INPP5B: variants seen among roughly 807,000 people sequenced by gnomAD.
The protein encoded by INPP5B is inositol polyphosphate-5-phosphatase B, also known as type II inositol 1,4,5-trisphosphate 5-phosphatase.
In INPP5B, 90 loss-of-function variants were observed where a neutral mutation model predicts 118.5. The observed-to-expected ratio is 0.76, with a 90% confidence interval of 0.64 to 0.90. The LOEUF is 0.90. INPP5B is among the 40% of genes least tolerant of loss of function. The pLI is 0.00. For synonymous variants in INPP5B, 385 were observed against 418.9 expected (o/e 0.92, Z 0.99); for missense variants, 984 against 1,125.6 (o/e 0.87, Z 1.80).
At chr1:37,900,073 ATTTTT>A (rs34018622) in intron 7 of INPP5B, among the ~76,000 whole-genome samples, 1 of 114,648 alleles carries the variant, frequency 8.7e-6, no homozygotes, top group Non-Finnish European at 1.8e-5. Context: ...TTTACCTTGA[ATTTTT>A]TTTTTTTTTT....
chr1:37,863,709 G>A (rs1200835635), intron 23 of INPP5B, among the ~76,000 whole-genome samples: 3 of 150,632 alleles, frequency 2.0e-5, no homozygotes, highest in Non-Finnish European at 4.4e-5. Flanking sequence ...ACACACACAT[G>A]CACACACAAA....
intron 14 of INPP5B, 122 bp downstream of exon 14, chr1:37,882,685 C>G: frequency 1.5e-6 from 1 of 670,246 alleles, no homozygotes; most frequent in Admixed American, 2.6e-5. Context: ...TGGACAACAT[C>G]AGGAACTCAG....
intron 7 of INPP5B, among the ~76,000 whole-genome samples, chr1:37,891,860 T>TAGGAATTATTGGTAGTCC (rs1553155467): frequency 6.6e-6 from 1 of 152,184 alleles, no homozygotes; most frequent in Non-Finnish European, 1.5e-5. Context: ...AATTGTAGTC[T>TAGGAATTATTGGTAGTCC]AGGAATTATT....
At chr1:37,940,398 A>G (rs529624397) in intron 6 of INPP5B, among the ~76,000 whole-genome samples, 2 of 152,300 alleles carry the variant, frequency 1.3e-5, no homozygotes, top group South Asian at 2.1e-4. Context: ...TAGTCTGCCA[A>G]CTTGTAAGAG....
At chr1:37,893,901 A>C (rs1412246793) in intron 7 of INPP5B, among the ~76,000 whole-genome samples, 1 of 152,148 alleles carries the variant, frequency 6.6e-6, no homozygotes, top group South Asian at 2.1e-4. Context: ...TCTGCTTTAT[A>C]AGGCTAACTC....
chr1:37,946,146 C>T (rs1049635907), intron 2 of INPP5B, 106 bp downstream of exon 2: 15 of 1,082,240 alleles, frequency 1.4e-5, no homozygotes, highest in Admixed American at 4.1e-5. Flanking sequence ...TCCTTCTCCC[C>T]TGATGGTTCA....
At chr1:37,944,539 T>A (rs1286620384) in intron 3 of INPP5B, among the ~76,000 whole-genome samples, 1 of 151,822 alleles carries the variant, frequency 6.6e-6, no homozygotes, top group Non-Finnish European at 1.5e-5. Flanking sequence ...CATGAGCCAC[T>A]GCACCCAGCC....
At chr1:37,902,761 T>C (rs1214679543) in intron 7 of INPP5B, among the ~76,000 whole-genome samples, 1 of 152,100 alleles carries the variant, frequency 6.6e-6, no homozygotes, top group East Asian at 1.9e-4. Context: ...TTTCTCCATG[T>C]TGGTCAGGCT....
chr1:37,862,246 C>G lies in INPP5B; in HGVS notation c.*69G>C. The stretch of plus-strand genomic sequence containing the variant: ...GTGGCCTCACATAATTATCTTAAGG[C>G]ATCTCTTGAGCTGAAACAGGTGGGG... On this transcript the variant is annotated 3_prime_UTR_variant, in exon 24 of 24. Coordinates refer to ENST00000373024, the MANE Select transcript of INPP5B (RefSeq NM_005540.3). 1 of 988,628 alleles carries G rather than the reference C, an allele frequency of 1.0e-6. No individual in the cohort carries two copies. The highest frequency in any genetic ancestry group is 1.6e-6 in the Non-Finnish European group (1 of 619,152). 61.2% of individuals were successfully genotyped at this position (988,628 alleles called of 1,614,324 possible). A position where few individuals can be genotyped will look rare whatever the true frequency, so the allele number is the denominator to read the frequency against.
intron 7 of INPP5B, among the ~76,000 whole-genome samples, chr1:37,915,551 T>C (rs1277525751): frequency 1.3e-5 from 2 of 152,200 alleles, no homozygotes; most frequent in Non-Finnish European, 2.9e-5. Context: ...TGGTAGTTAA[T>C]GAGCATGGCC....
intron 9 of INPP5B, among the ~76,000 whole-genome samples, chr1:37,888,976 G>A (rs1643691114): frequency 6.6e-6 from 1 of 152,218 alleles, no homozygotes. Context: ...CAAGAGGCCA[G>A]GTGTGGTGGT....
At chr1:37,866,050 T>C in intron 21 of INPP5B, 162 bp from the exon 22 acceptor site, 1 of 733,256 alleles carries the variant, frequency 1.4e-6, no homozygotes, top group Non-Finnish European at 1.7e-6. Context: ...GTTTGTCAGG[T>C]GAGCCAGGCC....
At chr1:37,878,103 A>G (rs1297145994) in intron 16 of INPP5B, 85 bp downstream of exon 16, 23 of 1,500,158 alleles carry the variant, frequency 1.5e-5, no homozygotes, top group Non-Finnish European at 2.0e-5. Flanking sequence ...AAGGAGAGGA[A>G]GAAACCAGAA....
intron 21 of INPP5B, 78 bp downstream of exon 21, chr1:37,866,381 C>T (rs976450659): frequency 1.3e-6 from 1 of 782,060 alleles, no homozygotes. Context: ...CCCTCTCACT[C>T]ATATTCTCTC....
At chr1:37,889,878 T>C (rs1331865418) in intron 8 of INPP5B, among the ~76,000 whole-genome samples, 154 bp from the exon 9 acceptor site, 2 of 152,198 alleles carry the variant, frequency 1.3e-5, no homozygotes, top group Non-Finnish European at 1.5e-5. Flanking sequence ...ACACTATTTC[T>C]ATGTGGAATT....
intron 16 of INPP5B, among the ~76,000 whole-genome samples, chr1:37,876,703 C>CAAAAAAAAAAAAA (rs754849945): frequency 1.2e-5 from 1 of 80,806 alleles, no homozygotes; most frequent in African/African-American, 5.8e-5. Context: ...ACTAAAAATA[C>CAAAAAAAAAAAAA]AAAAAAAAAA....
chr1:37,880,300 A>G (rs1643117326), intron 14 of INPP5B, 106 bp from the exon 15 acceptor site: 1 of 767,204 alleles, frequency 1.3e-6, no homozygotes, highest in South Asian at 1.8e-5. Context: ...AACCCAAAGG[A>G]AAAAGCCCCA....
intron 7 of INPP5B, among the ~76,000 whole-genome samples, chr1:37,923,574 T>C (rs1388038018): frequency 6.6e-6 from 1 of 151,832 alleles, no homozygotes; most frequent in Admixed American, 6.6e-5. Flanking sequence ...AGAAGACTAC[T>C]GCAACAGTTC....
At chr1:37,865,144 A>G (rs1641951822) in intron 22 of INPP5B, among the ~76,000 whole-genome samples, 1 of 151,856 alleles carries the variant, frequency 6.6e-6, no homozygotes, top group Non-Finnish European at 1.5e-5. Flanking sequence ...GATCGCGCCA[A>G]TGCACTCCAG....
Sources: gnomAD v4.1 joint callset for allele counts (sites outside exome capture counted in the v4.1 genomes callset) on GRCh38, gnomAD v4.1.1 for gene constraint, MANE v1.5 for transcripts, NCBI Gene and HGNC (gene_info 2026-07-23, HGNC 2026-07-21) for gene names.